CLDN10: variants seen among roughly 807,000 people sequenced by gnomAD.
The protein encoded by CLDN10 is claudin-10.
A neutral mutation model predicts 22.9 loss-of-function variants in CLDN10; 15 were observed. The observed-to-expected ratio is 0.65, with a 90% CI of 0.44 to 1.01. The LOEUF is 1.01. Ranked by LOEUF, CLDN10 falls within the 50% of genes least tolerant of loss-of-function variation. The pLI is 0.00. For missense variants in CLDN10, 247 were observed against 287.8 expected (o/e 0.86, Z 1.03); for synonymous variants, 114 against 111.4 (o/e 1.02, Z -0.15).
intron 1 of CLDN10, among the ~76,000 whole-genome samples, chr13:95,535,723 G>T (rs1262589331): frequency 1.1e-4 from 17 of 152,020 alleles, no homozygotes; most frequent in African/African-American, 3.4e-4. Context: ...GCCACCAGTT[G>T]GTTCAGGGAA....
intron 1 of CLDN10, among the ~76,000 whole-genome samples, chr13:95,538,149 AT>A (rs2043420171): frequency 1.6e-5 from 1 of 60,648 alleles, no homozygotes; most frequent in African/African-American, 6.5e-5. Flanking sequence ...CAAACTGTTT[AT>A]TTCTTTTTTT....
In CLDN10 at chr13:95,560,010, T is replaced by G. The variant is rs753784367; in HGVS notation, c.221-122T>G. On this transcript the variant is annotated intron_variant, in intron 1 of 4. Transcript: ENST00000299339. ...TTCCTTTCTTGCTTGTCTTGCCACA[T>G]GTTTTCACCATCACAGTTATCTTTT... 17 of 941,026 alleles carry G rather than the reference T, an allele frequency of 1.8e-5. No homozygotes were observed. The East Asian group carries it at 3.7e-4, about 20-fold the overall frequency. 58.3% of individuals were successfully genotyped at this position (941,026 alleles called of 1,614,324 possible).
chr13:95,434,146 A>T, intron 1 of CLDN10: 1 of 1,040,070 alleles, frequency 9.6e-7, no homozygotes, highest in Non-Finnish European at 1.5e-6. Context: ...CTCTCTGAAG[A>T]CTGAGTGCTT....
At chr13:95,555,440 C>G (rs1208464480) in intron 1 of CLDN10, among the ~76,000 whole-genome samples, 2 of 151,692 alleles carry the variant, frequency 1.3e-5, no homozygotes, top group Non-Finnish European at 1.5e-5. Context: ...TTTTTTTTCT[C>G]TTTTGTGAAT....
chr13:95,473,859 A>G (rs1392501966), intron 1 of CLDN10, among the ~76,000 whole-genome samples: 1 of 152,252 alleles, frequency 6.6e-6, no homozygotes, highest in East Asian at 1.9e-4. Flanking sequence ...CGGAGGGAAC[A>G]AACCCCTGCC....
rs186186537 is a variant in CLDN10 at position 95,567,691 on chromosome 13, T to C, written c.464+7228T>C. 2.9e-4 allele frequency among the ~76,000 whole-genome samples: 44 copies of C among 152,330 alleles called. No homozygotes were observed. The East Asian group carries it at 6.7e-3, about 23-fold the overall frequency. On this transcript the variant is annotated intron_variant, in intron 3 of 4. Coordinates refer to ENST00000299339, the MANE Select transcript of CLDN10 (RefSeq NM_006984.5). ...GGAGTGGTGAGAGAGGGCATCCTTG[T>C]CTTGTGCCAGTTTTCAAAGGGAATG... is the stretch of plus-strand genomic sequence containing the variant.
At chr13:95,455,708 C>A (rs903086153) in intron 1 of CLDN10, among the ~76,000 whole-genome samples, 1 of 152,132 alleles carries the variant, frequency 6.6e-6, no homozygotes. Context: ...TCTTTGGACT[C>A]AATAACACTT....
At chr13:95,570,125 C>G (rs187809581) in intron 3 of CLDN10, among the ~76,000 whole-genome samples, 3 of 152,306 alleles carry the variant, frequency 2.0e-5, no homozygotes, top group Admixed American at 6.5e-5. Flanking sequence ...CTTACCAATA[C>G]TGGCCATGCC....
chr13:95,549,675 C>T (rs141719678), upstream of CLDN10, among the ~76,000 whole-genome samples: 41 of 152,256 alleles, frequency 2.7e-4, no homozygotes, highest in East Asian at 6.9e-3. Context: ...ATACAGCTTT[C>T]CACAGTAACT....
At chr13:95,473,095 G>T (rs1457378428) in intron 1 of CLDN10, among the ~76,000 whole-genome samples, 1 of 145,834 alleles carries the variant, frequency 6.9e-6, no homozygotes, top group Non-Finnish European at 1.5e-5. Context: ...AGCTACGATC[G>T]TACCACAGCA....
intron 1 of CLDN10, among the ~76,000 whole-genome samples, chr13:95,490,778 T>C (rs577923666): frequency 2.2e-4 from 33 of 152,348 alleles, no homozygotes; most frequent in African/African-American, 7.2e-4. Context: ...AGTCCATTTG[T>C]TCCAAGGTAT....
At chr13:95,471,450 T>C in intron 1 of CLDN10, among the ~76,000 whole-genome samples, 1 of 108,180 alleles carries the variant, frequency 9.2e-6, no homozygotes, top group East Asian at 4.5e-4. Flanking sequence ...CATATATATA[T>C]ATATTTTTTT....
chr13:95,470,814 A>C (rs1327765465), intron 1 of CLDN10, among the ~76,000 whole-genome samples: 1 of 152,098 alleles, frequency 6.6e-6, no homozygotes, highest in East Asian at 1.9e-4. Context: ...ATTAGTAGCT[A>C]CGTTCTCAGC....
rs2043966424 is a variant in CLDN10 at position 95,578,293 on chromosome 13, G to T, written c.*279G>T. ...AACATGAAAAGCATTTAGTACCAAAGGTTCAAGAAGTATTCGTACTCTAGC... is the reference window on the plus strand; with the variant it reads ...AACATGAAAAGCATTTAGTACCAAATGTTCAAGAAGTATTCGTACTCTAGC... On this transcript the variant is annotated 3_prime_UTR_variant, in exon 5 of 5. Transcript: ENST00000299339. 2 of 229,304 alleles carry T rather than the reference G, an allele frequency of 8.7e-6. No individual in the cohort carries two copies. Among genetic ancestry groups the T allele is most frequent in the East Asian group, 1.1e-4 (1 of 9,358 alleles). 14.2% of individuals were successfully genotyped at this position (229,304 alleles called of 1,614,324 possible). A position where few individuals can be genotyped will look rare whatever the true frequency, so the allele number is the denominator to read the frequency against.
At chr13:95,450,513 C>G (rs574906138) in intron 1 of CLDN10, among the ~76,000 whole-genome samples, 147 of 152,360 alleles carry the variant, frequency 9.6e-4, no homozygotes, top group Non-Finnish European at 1.6e-3. Context: ...TGATCCCAGG[C>G]TTTCGCCAAG....
intron 1 of CLDN10, among the ~76,000 whole-genome samples, chr13:95,526,721 A>G (rs541952748): frequency 6.6e-6 from 1 of 152,210 alleles, no homozygotes; most frequent in East Asian, 1.9e-4. Flanking sequence ...CGGGAGGTGG[A>G]GGTTGCAGTG....
At chr13:95,486,158 G>T (rs1340315096) in intron 1 of CLDN10, among the ~76,000 whole-genome samples, 2 of 152,054 alleles carry the variant, frequency 1.3e-5, no homozygotes, top group Admixed American at 6.5e-5. Flanking sequence ...GGCTTCTGTT[G>T]TGCCTTGCTG....
rs754640334 is a variant in CLDN10, at chr13:95,577,920, C to T, written c.593C>T (p.Thr198Ile). 4 of 1,613,196 alleles carry T rather than the reference C, an allele frequency of 2.5e-6. No homozygotes were observed. The highest frequency in any genetic ancestry group is 2.2e-5 in the East Asian group (1 of 44,860). The change falls in exon 5 of 5, where the codon ACA (threonine) becomes ATA (isoleucine). Residue 198 changes from threonine (T) to isoleucine (I), a missense_variant. Thr to Ile is a moderately conservative substitution (Grantham distance 89). Transcript: ENST00000299339. The stretch of plus-strand genomic sequence containing the variant: ...TTCAGATACACATACAACGGGGCCA[C>T]ATCTGTCATGTCTTCTCGGACAAAG... ...KTPRYTYNGA[T>I]SVMSSRTKYH... is the part of the protein sequence containing the mutation.
At chr13:95,562,203 A>T (rs1349757652) in intron 3 of CLDN10, among the ~76,000 whole-genome samples, 1 of 151,944 alleles carries the variant, frequency 6.6e-6, no homozygotes, top group African/African-American at 2.4e-5. Context: ...AAGTGCTGGG[A>T]TTACAGGTGT....
Sources: allele counts gnomAD v4.1 joint callset (sites outside exome capture counted in the v4.1 genomes callset), GRCh38; gene constraint gnomAD v4.1.1; transcripts MANE v1.5; gene names NCBI Gene and HGNC (gene_info 2026-07-23, HGNC 2026-07-21).